Variants in ZNF91 observed in about 807,000 individuals in gnomAD.
ZNF91 encodes the protein zinc finger protein 91 (HPF7, HTF10).
A neutral mutation model predicts 12.6 loss-of-function variants in ZNF91; 7 were observed. The observed-to-expected ratio is 0.55, with a 90% CI of 0.31 to 1.04. ZNF91 has a LOEUF of 1.04. Ranked by LOEUF, ZNF91 falls within the 50% of genes least tolerant of loss-of-function variation. The pLI, the probability that ZNF91 is intolerant of heterozygous loss-of-function variation, is 0.05. For missense variants in ZNF91, 1,217 were observed against 1,385.4 expected (o/e 0.88, Z 1.93); for synonymous variants, 453 against 462.6 (o/e 0.98, Z 0.27).
intron 3 of ZNF91, among the ~76,000 whole-genome samples, chr19:23,349,501 C>G (rs991270435): frequency 1.3e-5 from 2 of 152,172 alleles, no homozygotes; most frequent in African/African-American, 4.8e-5. Flanking sequence ...TCAGGAATTA[C>G]CTCCCCTCCT....
In ZNF91 at chr19:23,395,310, A is replaced by C. The variant is rs550497241; in HGVS notation, c.30+15T>G. On this transcript the variant is annotated intron_variant, in intron 1 of 3. Transcript: ENST00000300619. ...CCCGTTCCCTCTCTCGGGACGTCGC[A>C]CCTGGCAGTCTCACCATTTCTAGGC... The C allele has an allele frequency of 2.6e-5, 42 of 1,613,324 alleles. 1 individual carries two copies. The South Asian group carries it at 4.1e-4, about 16-fold the overall frequency.
chr19:23,379,694 G>GTAGACT (rs1969625543), intron 1 of ZNF91, among the ~76,000 whole-genome samples: 1 of 141,070 alleles, frequency 7.1e-6, no homozygotes, highest in Non-Finnish European at 1.6e-5. Flanking sequence ...TTGAAGCCAG[G>GTAGACT]TGCCTGCTTA....
At chr19:23,313,594 A>T (rs1568364444), upstream of ZNF91, among the ~76,000 whole-genome samples, 1 of 152,056 alleles carries the variant, frequency 6.6e-6, no homozygotes, top group East Asian at 1.9e-4. Flanking sequence ...TGCTTTCAGG[A>T]GGGGATTGTA....
intron 1 of ZNF91, among the ~76,000 whole-genome samples, chr19:23,332,941 A>T (rs925528333): frequency 6.6e-6 from 1 of 152,152 alleles, no homozygotes; most frequent in African/African-American, 2.4e-5. Flanking sequence ...CAAGGATCAA[A>T]TTTTTACCAT....
intron 1 of ZNF91, chr19:23,385,365 G>A (rs1969839845): frequency 2.8e-6 from 1 of 352,140 alleles, no homozygotes; most frequent in Non-Finnish European, 5.1e-6. Flanking sequence ...TTGAACAGAA[G>A]GGCTTCTGAA....
intron 3 of ZNF91, among the ~76,000 whole-genome samples, chr19:23,363,849 G>C (rs1014964408): frequency 5.9e-5 from 9 of 152,088 alleles, no homozygotes; most frequent in African/African-American, 2.2e-4. Context: ...AGCAGAAATT[G>C]TGGAGGTAAA....
At chr19:23,340,765 TAGAC>T (rs1394015004) in intron 3 of ZNF91, among the ~76,000 whole-genome samples, 1 of 149,136 alleles carries the variant, frequency 6.7e-6, no homozygotes, top group Non-Finnish European at 1.5e-5. Context: ...TTATAAAAAA[TAGAC>T]AAATGGAAAT....
At chr19:23,383,793 A>G (rs886417403) in intron 1 of ZNF91, among the ~76,000 whole-genome samples, 2 of 152,184 alleles carry the variant, frequency 1.3e-5, no homozygotes, top group Admixed American at 1.3e-4. Context: ...AGTCCTGGTC[A>G]GAGCAATCAG....
chr19:23,393,867 G>A (rs767653110), intron 1 of ZNF91, among the ~76,000 whole-genome samples: 2 of 152,086 alleles, frequency 1.3e-5, no homozygotes, highest in Admixed American at 6.5e-5. Flanking sequence ...AGACGTGGTC[G>A]TGGGCACCTG....
At chr19:23,323,223 T>A (rs1320134272) in intron 1 of ZNF91, among the ~76,000 whole-genome samples, 6 of 147,360 alleles carry the variant, frequency 4.1e-5, no homozygotes, top group Admixed American at 4.0e-4. Flanking sequence ...ACTTTTCCTT[T>A]CTCTCCTTCT....
upstream of ZNF91, among the ~76,000 whole-genome samples, chr19:23,312,805 T>C (rs1967492705): frequency 6.6e-6 from 1 of 152,158 alleles, no homozygotes; most frequent in Non-Finnish European, 1.5e-5. Flanking sequence ...TATAAAGCCC[T>C]AGGGTGATAC....
chr19:23,350,328 T>C (rs1436452428), intron 3 of ZNF91, among the ~76,000 whole-genome samples: 2 of 152,176 alleles, frequency 1.3e-5, no homozygotes, highest in Non-Finnish European at 2.9e-5. Context: ...TTTAAAATGC[T>C]GGTAGGACCA....
At chr19:23,386,538 TAAC>T (rs967456762) in intron 1 of ZNF91, among the ~76,000 whole-genome samples, 51 of 152,180 alleles carry the variant, frequency 3.4e-4, no homozygotes, top group African/African-American at 1.2e-3. Flanking sequence ...TCACCAAAAG[TAAC>T]AATAGAAATG....
At chr19:23,345,858 C>A (rs1286200730) in intron 3 of ZNF91, among the ~76,000 whole-genome samples, 1 of 152,104 alleles carries the variant, frequency 6.6e-6, no homozygotes, top group Non-Finnish European at 1.5e-5. Context: ...ACCTCCCCCA[C>A]CGCCCTCTCC....
chr19:23,334,981 TA>T (rs1254766384), downstream of ZNF91, among the ~76,000 whole-genome samples: 5 of 152,238 alleles, frequency 3.3e-5, no homozygotes, highest in Admixed American at 3.3e-4. Context: ...TGGAATTTTT[TA>T]AACTTTTTAT....
chr19:23,339,979 A>C (rs1968089159), intron 3 of ZNF91: 1 of 151,892 alleles, frequency 6.6e-6, no homozygotes, highest in Admixed American at 6.6e-5. Context: ...AAAATTAAAA[A>C]TTTGTGGGAA....
intron 3 of ZNF91, among the ~76,000 whole-genome samples, chr19:23,363,504 A>T (rs182892811): frequency 5.3e-5 from 8 of 152,334 alleles, no homozygotes; most frequent in African/African-American, 1.9e-4. Context: ...TTCAGACAAC[A>T]CATATCCTAA....
chr19:23,377,365 G>A (rs1213649840), intron 1 of ZNF91, among the ~76,000 whole-genome samples: 2 of 152,202 alleles, frequency 1.3e-5, no homozygotes, highest in African/African-American at 4.8e-5. Flanking sequence ...AGAGAGTTCT[G>A]TGAATTGGCC....
rs372001280 is a variant in ZNF91 at position 23,384,753 on chromosome 19, G to A, written c.31-9989C>T. 321 of 628,138 alleles carry A rather than the reference G, an allele frequency of 5.1e-4. 5 individuals are homozygous for A. The highest frequency in any genetic ancestry group is 4.4e-3 in the South Asian group (248 of 56,772). The allele number at this position is 628,138 out of a possible 1,614,324, so 38.9% of individuals were successfully genotyped here. The stretch of plus-strand genomic sequence containing the variant: ...CTGGAAACTAGGAGAAAGCACACCT[G>A]GGTCAGCTCCCCGGGCATAGTAAGT... On this transcript the variant is annotated intron_variant, in intron 1 of 3. Transcript: ENST00000300619.
Sources: allele counts gnomAD v4.1 joint callset (sites outside exome capture counted in the v4.1 genomes callset), GRCh38; gene constraint gnomAD v4.1.1; transcripts MANE v1.5; gene names NCBI Gene and HGNC (gene_info 2026-07-23, HGNC 2026-07-21).